CPA4: variants seen among roughly 807,000 people sequenced by gnomAD.
The protein encoded by CPA4 is carboxypeptidase A4.
Under a neutral mutation model 54.7 loss-of-function variants are expected in CPA4, and 49 were observed. The observed-to-expected ratio is 0.90, with a 90% CI of 0.71 to 1.14. The LOEUF is 1.14. Among genes scored for constraint, CPA4 ranks in the 50% most tolerant of loss-of-function variants. The probability of loss-of-function intolerance (pLI) is 0.00; values close to 1 mark genes in which losing one functional copy is unlikely to be tolerated. For missense variants in CPA4, 487 were observed against 525.1 expected, an observed-to-expected ratio of 0.93 and a Z score of 0.71; for synonymous variants, 215 against 206.8, an observed-to-expected ratio of 1.04 and a Z score of -0.34.
chr7:130,304,722 T>C (rs977849840), intron 5 of CPA4, 143 bp downstream of exon 5: 207 of 648,542 alleles, frequency 3.2e-4, no homozygotes, highest in Middle Eastern at 4.0e-4. Flanking sequence ...GGGCTGGAAC[T>C]TGGTCTGACA....
rs1408173874 is a variant in CPA4, at chr7:130,300,829, A to G, written c.299A>G (p.Asn100Ser). The change falls in exon 4 of 11, where the codon AAT becomes AGT. Residue 100 changes from asparagine (N) to serine (S), a missense_variant. By Grantham distance (46) the Asn-to-Ser change is conservative. Coordinates refer to ENST00000222482, the MANE Select transcript of CPA4 (RefSeq NM_016352.4). ...TIEDLQALLD[N>S]EDDEMQHNEG... ...GTGTGTTTTCAGGCCCTTTTAGACAATGAAGATGATGAAATGCAACACAAT... is the reference window on the plus strand; with the variant it reads ...GTGTGTTTTCAGGCCCTTTTAGACAGTGAAGATGATGAAATGCAACACAAT... The G allele has an allele frequency of 6.2e-7, 1 of 1,612,862 alleles. No homozygotes were observed. The highest frequency in any genetic ancestry group is 8.5e-7 in the Non-Finnish European group (1 of 1,178,940).
chr7:130,317,077 A>G (rs559887535), intron 10 of CPA4, among the ~76,000 whole-genome samples: 61 of 152,176 alleles, frequency 4.0e-4, no homozygotes, highest in Non-Finnish European at 7.4e-4. Context: ...TATCTTGTAG[A>G]CTGTGAGAAG....
chr7:130,293,542 C>T (rs1054410887), intron 1 of CPA4: 3 of 329,686 alleles, frequency 9.1e-6, no homozygotes, highest in Non-Finnish European at 1.7e-5. Flanking sequence ...TACTTTCTTA[C>T]TCCTACCTTA....
chr7:130,294,512 C>T (rs187120277), intron 1 of CPA4, among the ~76,000 whole-genome samples: 225 of 152,268 alleles, frequency 1.5e-3, no homozygotes, highest in African/African-American at 5.0e-3. Context: ...GACTTGCTGC[C>T]GTGTGGGCTG....
At chr7:130,317,869 A>G (rs1794014806) in intron 10 of CPA4, among the ~76,000 whole-genome samples, 2 of 148,696 alleles carry the variant, frequency 1.3e-5, no homozygotes, top group East Asian at 2.0e-4. Flanking sequence ...TTCTCCGCCC[A>G]CTCTCCCCTC....
rs780090812 is a variant in CPA4 at position 130,312,044 on chromosome 7, G to A, written c.1000G>A (p.Val334Met). ...ACGGATTCCCCCTTCCCAGGACAAG[G>A]TGGCGAGGCTTGCGGCCAAAGCTCT... ...KAPDAEELDK[V>M]ARLAAKALAS... is the part of the protein sequence containing the mutation. The change falls in exon 10 of 11, where the codon GTG becomes ATG. Residue 334 changes from valine to methionine, a missense_variant. Coordinates refer to ENST00000222482, the MANE Select transcript of CPA4 (RefSeq NM_016352.4). 1.4e-5 allele frequency: 22 copies of A among 1,613,976 alleles called. No individual in the cohort carries two copies. The highest frequency in any genetic ancestry group is 1.2e-4 in the South Asian group (11 of 91,078).
rs1486844775 is a variant in CPA4 at position 130,305,578 on chromosome 7, C to T, written c.487-238C>T. 3.3e-5 allele frequency among the ~76,000 whole-genome samples: 5 copies of T among 152,272 alleles called. No homozygotes were observed. In the East Asian group the frequency reaches 9.7e-4, roughly 29 times the overall value. On this transcript the variant is annotated intron_variant, in intron 5 of 10. Transcript: ENST00000222482. ...AAACACAGTAACGGTTGTTTCCCCT[C>T]CCATTTGCTCCTAATGCTGGAGAGG...
intron 8 of CPA4, among the ~76,000 whole-genome samples, chr7:130,309,309 T>A (rs528277350): frequency 1.3e-5 from 2 of 151,564 alleles, no homozygotes; most frequent in East Asian, 3.9e-4. Flanking sequence ...CGGGGAACCT[T>A]CACCCCTGAC....
intron 9 of CPA4, 103 bp from the exon 10 acceptor site, chr7:130,311,935 G>A (rs942873256): frequency 4.2e-5 from 34 of 804,514 alleles, no homozygotes; most frequent in African/African-American, 1.9e-4. Flanking sequence ...AAAGGAAATC[G>A]GGGGGGGCTG....
intron 10 of CPA4, among the ~76,000 whole-genome samples, chr7:130,312,507 C>T (rs1793930544): frequency 6.6e-6 from 1 of 152,126 alleles, no homozygotes; most frequent in Non-Finnish European, 1.5e-5. Context: ...ATCTTGAATT[C>T]CCACATGTTG....
rs750482397 is a variant in CPA4, at chr7:130,308,348, C to T, written c.744C>T (p.Ser248=). 6.2e-7 allele frequency: 1 copy of T among 1,614,186 alleles called. No homozygotes were observed. Among genetic ancestry groups the T allele is most frequent in the South Asian group, 1.1e-5 (1 of 91,086 alleles). The part of the protein sequence containing the change: ...WRKTRSRNPG[S]SCIGADPNRN... ...AGACGCGGTCCCGAAATCCTGGAAG[C>T]TCCTGCATTGGTGCTGACCCAAATA... Residue 248 remains serine (S), a synonymous_variant, in exon 8 of 11, where the codon AGC becomes AGT. Coordinates refer to ENST00000222482, the MANE Select transcript of CPA4 (RefSeq NM_016352.4).
intron 10 of CPA4, among the ~76,000 whole-genome samples, chr7:130,319,013 C>T (rs1160973132): frequency 3.9e-5 from 6 of 152,166 alleles, no homozygotes; most frequent in Admixed American, 1.3e-4. Flanking sequence ...TTCTCAACCT[C>T]AGTTCGTATA....
In CPA4 at chr7:130,322,660, G is replaced by T. The variant is rs200631467; in HGVS notation, c.1250G>T (p.Arg417Leu). 854 of 1,613,788 alleles carry T rather than the reference G, an allele frequency of 5.3e-4. No homozygotes were observed. The highest frequency in any genetic ancestry group is 5.7e-4 in the Non-Finnish European group (672 of 1,179,880). The change falls in exon 11 of 11, where the codon CGG (arginine) becomes CTG (leucine). Residue 417 changes from arginine to leucine, a missense_variant. Physicochemically the swap from Arg to Leu is moderately radical, Grantham distance 102. Coordinates refer to ENST00000222482, the MANE Select transcript of CPA4 (RefSeq NM_016352.4). ...LGLKTIMEHVRDNLY is the reference protein window; with the variant it reads ...LGLKTIMEHVLDNLY ...CTGAAGACCATCATGGAGCATGTGC[G>T]GGACAACCTCTACTAGGCGATGGCT... is the stretch of plus-strand genomic sequence containing the variant.
intron 4 of CPA4, 36 bp from the exon 5 acceptor site, chr7:130,304,442 T>C (rs1410027929): frequency 7.9e-7 from 1 of 1,270,450 alleles, no homozygotes; most frequent in Admixed American, 1.7e-5. Flanking sequence ...AAGCAGATTT[T>C]TAAAATGTCC....
chr7:130,313,765 A>G (rs77658414), intron 10 of CPA4, among the ~76,000 whole-genome samples: 2,524 of 152,230 alleles, frequency 0.017, 32 homozygotes, highest in Non-Finnish European at 0.026. Flanking sequence ...AGAAAGATAA[A>G]CTAGGACACA....
At chr7:130,302,265 T>C (rs571334718) in intron 4 of CPA4, among the ~76,000 whole-genome samples, 10 of 152,230 alleles carry the variant, frequency 6.6e-5, no homozygotes, top group Non-Finnish European at 7.4e-5. Context: ...GGTGGGCAGA[T>C]CACTTGAGGT....
rs1793924219 is a variant in CPA4, at chr7:130,312,064, AG to A, written c.1021del (p.Ala341LeufsTer43). 4.3e-6 allele frequency: 7 copies of A among 1,614,140 alleles called. No individual in the cohort carries two copies. In the South Asian group the frequency reaches 7.7e-5, roughly 18 times the overall value. On this transcript the variant is annotated frameshift_variant, in exon 10 of 11. Coordinates refer to ENST00000222482, the MANE Select transcript of CPA4 (RefSeq NM_016352.4). LOFTEE classifies it high-confidence loss of function. ...LDKVARLAAK[A>X]LASVSGTEYQ... is the part of the protein sequence containing the mutation. ...ACAAGGTGGCGAGGCTTGCGGCCAA[AG>A]CTCTGGCTTCTGTGTCGGGCACTGA... is the stretch of plus-strand genomic sequence containing the variant.
chr7:130,308,190 G>T, intron 7 of CPA4, 117 bp from the exon 8 acceptor site: 1 of 811,096 alleles, frequency 1.2e-6, no homozygotes, highest in Non-Finnish European at 2.2e-6. Flanking sequence ...GAGCCCCAGG[G>T]CCCTCCTGGC....
intron 8 of CPA4, among the ~76,000 whole-genome samples, chr7:130,309,715 A>G (rs1400705173): frequency 2.0e-5 from 3 of 152,188 alleles, no homozygotes; most frequent in Non-Finnish European, 2.9e-5. Flanking sequence ...TTCCAATTTC[A>G]AATCCAGACA....
Sources: allele counts gnomAD v4.1 joint callset (sites outside exome capture counted in the v4.1 genomes callset), GRCh38; gene constraint gnomAD v4.1.1; transcripts MANE v1.5; gene names NCBI Gene and HGNC (gene_info 2026-07-23, HGNC 2026-07-21).